The following AKT3 variants were observed in gnomAD, a reference collection of about 807,000 sequenced individuals.
The protein encoded by AKT3 is RAC-gamma serine/threonine-protein kinase.
AKT3 carries 15 observed loss-of-function variants against 65.3 expected under a neutral mutation model. The observed-to-expected ratio is 0.23, with a 90% CI of 0.15 to 0.35. The LOEUF (loss-of-function observed/expected upper bound fraction) is 0.35, where lower values mean the gene tolerates loss of function less well. Ranked by LOEUF, AKT3 falls within the 10% of genes least tolerant of loss-of-function variation. AKT3 has a pLI of 1.00. For synonymous variants in AKT3, 206 were observed against 183.8 expected, an observed-to-expected ratio of 1.12 and a Z score of -0.98; for missense variants, 243 against 576.5, an observed-to-expected ratio of 0.42 and a Z score of 5.92.
rs568823420 is a variant in AKT3 at position 243,670,113 on chromosome 1, C to G, written c.173-5230G>C. Among the ~76,000 whole-genome samples, 13 of 152,278 alleles carry G rather than the reference C, an allele frequency of 8.5e-5. No individual in the cohort carries two copies. The South Asian group carries it at 2.7e-3, about 32-fold the overall frequency. The stretch of plus-strand genomic sequence containing the variant: ...ATGCTATAAAGGGTTTAATCAGGTC[C>G]TGTGAACCCTCTAGTCCAACAAAAA... On this transcript the variant is annotated intron_variant, in intron 3 of 13. Coordinates refer to ENST00000673466, the MANE Select transcript of AKT3 (RefSeq NM_005465.7).
chr1:243,496,472 C>T (rs1290085357), downstream of AKT3, among the ~76,000 whole-genome samples: 7 of 152,226 alleles, frequency 4.6e-5, no homozygotes, highest in South Asian at 1.2e-3. Context: ...GCTTTATTGC[C>T]AGACACACAA....
At chr1:243,533,151 C>T (rs1671660685) in intron 12 of AKT3, among the ~76,000 whole-genome samples, 1 of 152,072 alleles carries the variant, frequency 6.6e-6, no homozygotes, top group South Asian at 2.1e-4. Context: ...TCATTTATTT[C>T]CGTTGTAATC....
chr1:243,525,992 CA>C (rs1553395719), intron 12 of AKT3, among the ~76,000 whole-genome samples: 5 of 151,158 alleles, frequency 3.3e-5, no homozygotes, highest in African/African-American at 1.2e-4. Flanking sequence ...ACATTATAGT[CA>C]AAAGGCTTAA....
intron 6 of AKT3, among the ~76,000 whole-genome samples, chr1:243,623,807 A>T (rs1392269984): frequency 6.6e-6 from 1 of 152,152 alleles, no homozygotes; most frequent in Admixed American, 6.5e-5. Flanking sequence ...CCATAATCAC[A>T]TGAGCCAATT....
chr1:243,699,343 C>G (rs1685270367), intron 2 of AKT3, among the ~76,000 whole-genome samples: 1 of 150,922 alleles, frequency 6.6e-6, no homozygotes, highest in Non-Finnish European at 1.5e-5. Flanking sequence ...CCAAGTATCC[C>G]AAAGAGATTG....
intron 4 of AKT3, among the ~76,000 whole-genome samples, chr1:243,648,831 C>T (rs1198966036): frequency 6.6e-6 from 1 of 151,976 alleles, no homozygotes; most frequent in African/African-American, 2.4e-5. Context: ...TACCCCAAAA[C>T]GTTTTTCAAT....
chr1:243,775,817 G>C (rs1280370830), intron 2 of AKT3, among the ~76,000 whole-genome samples: 2 of 152,026 alleles, frequency 1.3e-5, no homozygotes, highest in East Asian at 3.8e-4. Flanking sequence ...ATTATTTATA[G>C]ACATAAAAAT....
intron 2 of AKT3, among the ~76,000 whole-genome samples, chr1:243,809,565 C>T (rs1692990123): frequency 6.6e-6 from 1 of 152,176 alleles, no homozygotes; most frequent in Non-Finnish European, 1.5e-5. Context: ...GAGACTTAGA[C>T]TCCCACACAA....
chr1:243,615,252 C>A (rs760202899), intron 6 of AKT3, 91 bp from the exon 7 acceptor site: 136 of 971,728 alleles, frequency 1.4e-4, no homozygotes, highest in Admixed American at 2.2e-4. Context: ...AGAGGTTAAG[C>A]CCAGAGATTG....
At chr1:243,492,080 G>A (rs1666569724) in intron 13 of AKT3, among the ~76,000 whole-genome samples, 2 of 152,050 alleles carry the variant, frequency 1.3e-5, no homozygotes, top group South Asian at 4.1e-4. Flanking sequence ...CCAACAGGAA[G>A]TGTCTAGCCT....
At chr1:243,556,346 A>C (rs1038111319) in intron 10 of AKT3, among the ~76,000 whole-genome samples, 3 of 152,158 alleles carry the variant, frequency 2.0e-5, no homozygotes, top group Non-Finnish European at 4.4e-5. Context: ...GATACTACCA[A>C]TTCAAGTTAC....
intron 3 of AKT3, among the ~76,000 whole-genome samples, chr1:243,687,037 A>G (rs144956964): frequency 5.6e-4 from 85 of 152,198 alleles, no homozygotes; most frequent in African/African-American, 1.9e-3. Flanking sequence ...AAAGATGAGC[A>G]AAATGAAAAT....
intron 12 of AKT3, among the ~76,000 whole-genome samples, chr1:243,533,977 G>A (rs1047667403): frequency 2.6e-5 from 4 of 152,116 alleles, no homozygotes; most frequent in Admixed American, 6.5e-5. Context: ...GCAACAGAGC[G>A]AGACTCCGTT....
At chr1:243,783,009 T>C (rs1323837180) in intron 2 of AKT3, among the ~76,000 whole-genome samples, 2 of 152,190 alleles carry the variant, frequency 1.3e-5, no homozygotes, top group Non-Finnish European at 2.9e-5. Context: ...ACAGAGCTCC[T>C]AAAGCTCTTC....
chr1:243,526,557 T>G (rs994864609), intron 12 of AKT3, among the ~76,000 whole-genome samples: 4 of 151,998 alleles, frequency 2.6e-5, no homozygotes, highest in African/African-American at 9.7e-5. Context: ...TCTAGTCAAC[T>G]GACATATTAC....
At chr1:243,609,709 C>T (rs1009559472) in intron 8 of AKT3, among the ~76,000 whole-genome samples, 4 of 151,980 alleles carry the variant, frequency 2.6e-5, no homozygotes, top group Non-Finnish European at 5.9e-5. Flanking sequence ...TAGCCCAATC[C>T]AAAACAGAAA....
chr1:243,752,433 G>A (rs1688866302), intron 2 of AKT3, among the ~76,000 whole-genome samples: 1 of 152,068 alleles, frequency 6.6e-6, no homozygotes, highest in African/African-American at 2.4e-5. Flanking sequence ...ATTATGTACT[G>A]CCCATGTTCA....
intron 1 of AKT3, chr1:243,843,640 C>T: frequency 1.2e-6 from 1 of 803,116 alleles, no homozygotes; most frequent in Non-Finnish European, 1.5e-6. Flanking sequence ...ATTTCAGAAG[C>T]AATTGTAAAT....
At chr1:243,736,031 C>CT (rs926678663) in intron 2 of AKT3, among the ~76,000 whole-genome samples, 1 of 152,130 alleles carries the variant, frequency 6.6e-6, no homozygotes, top group African/African-American at 2.4e-5. Flanking sequence ...CTGCCACATA[C>CT]TTTTTTTAAT....
Sources: gnomAD v4.1 joint callset for allele counts (sites outside exome capture counted in the v4.1 genomes callset) on GRCh38, gnomAD v4.1.1 for gene constraint, MANE v1.5 for transcripts, NCBI Gene and HGNC (gene_info 2026-07-23, HGNC 2026-07-21) for gene names.